RBFOX1: variants seen among roughly 807,000 people sequenced by gnomAD.
The protein encoded by RBFOX1 is RNA binding protein fox-1 homolog 1.
RBFOX1 carries 8 observed loss-of-function variants against 57.7 expected under a neutral mutation model. The ratio of observed to expected loss-of-function variants is 0.14; its 90% CI spans 0.08 to 0.25. The LOEUF (loss-of-function observed/expected upper bound fraction) is 0.25, where lower values mean the gene tolerates loss of function less well. RBFOX1 is among the 10% of genes least tolerant of loss of function. The pLI is 1.00. For synonymous variants in RBFOX1, 326 were observed against 222.4 expected, an observed-to-expected ratio of 1.47 and a Z score of -4.15; for missense variants, 611 against 548.5, an observed-to-expected ratio of 1.11 and a Z score of -1.14.
At chr16:6,527,995 C>A (rs2096604824) in intron 2 of RBFOX1, among the ~76,000 whole-genome samples, 1 of 152,134 alleles carries the variant, frequency 6.6e-6, no homozygotes, top group Admixed American at 6.6e-5. Flanking sequence ...CTCTCCTTAC[C>A]TGTGTGTTGA....
intron 1 of RBFOX1, among the ~76,000 whole-genome samples, chr16:6,290,253 C>A (rs11077023): frequency 0.98 from 136,808 of 139,422 alleles, 67,176 homozygotes; most frequent in East Asian, 1. Context: ...ATAACATGTG[C>A]ACTAAGAACG....
chr16:5,709,313 T>G (rs1468968013), intron 3 of RBFOX1, among the ~76,000 whole-genome samples: 2 of 152,206 alleles, frequency 1.3e-5, no homozygotes, highest in Non-Finnish European at 2.9e-5. Flanking sequence ...GTTCTGTTAT[T>G]TTGGGAAGAG....
At chr16:6,241,893 T>C (rs1396075869) in intron 1 of RBFOX1, among the ~76,000 whole-genome samples, 2 of 152,208 alleles carry the variant, frequency 1.3e-5, no homozygotes, top group African/African-American at 4.8e-5. Context: ...TGGACACTTT[T>C]AGGAATGGAA....
intron 3 of RBFOX1, among the ~76,000 whole-genome samples, chr16:5,860,791 C>G (rs927442899): frequency 1.3e-5 from 2 of 152,102 alleles, no homozygotes; most frequent in Non-Finnish European, 2.9e-5. Flanking sequence ...ATGAAAAAAG[C>G]CAAGCTCCAG....
At chr16:5,824,518 T>C (rs1229472908) in intron 3 of RBFOX1, among the ~76,000 whole-genome samples, 1 of 152,236 alleles carries the variant, frequency 6.6e-6, no homozygotes, top group Non-Finnish European at 1.5e-5. Flanking sequence ...AGGGTGACTT[T>C]AGGCTGGTCA....
chr16:6,234,877 A>T (rs80271148), intron 1 of RBFOX1, among the ~76,000 whole-genome samples: 1 of 152,278 alleles, frequency 6.6e-6, no homozygotes, highest in African/African-American at 2.4e-5. Flanking sequence ...TGTAGATTGC[A>T]CTAGTATCGG....
At chr16:6,473,900 G>A (rs2095231948) in intron 2 of RBFOX1, among the ~76,000 whole-genome samples, 1 of 152,152 alleles carries the variant, frequency 6.6e-6, no homozygotes, top group Admixed American at 6.5e-5. Context: ...AATTAGGAAA[G>A]CTGTCAGTTA....
chr16:7,630,777 C>A, intron 11 of RBFOX1, 94 bp downstream of exon 11: 1 of 1,547,574 alleles, frequency 6.5e-7, no homozygotes, highest in Non-Finnish European at 8.7e-7. Flanking sequence ...CTCCCTCTGC[C>A]CCACCCTCTC....
intron 4 of RBFOX1, among the ~76,000 whole-genome samples, chr16:5,899,312 A>G (rs1011762417): frequency 8.5e-5 from 13 of 152,154 alleles, no homozygotes; most frequent in Admixed American, 4.6e-4. Flanking sequence ...AAACATGATG[A>G]GATCTACAGA....
At chr16:6,519,389 C>G (rs2153798531) in intron 2 of RBFOX1, among the ~76,000 whole-genome samples, 1 of 152,180 alleles carries the variant, frequency 6.6e-6, no homozygotes, top group South Asian at 2.1e-4. Flanking sequence ...TGGGAAAACC[C>G]AGAGAATATT....
chr16:6,189,396 A>T (rs990663105), intron 1 of RBFOX1, among the ~76,000 whole-genome samples: 1 of 151,904 alleles, frequency 6.6e-6, no homozygotes, highest in Non-Finnish European at 1.5e-5. Context: ...CTCATCATAA[A>T]CTCCTCAGCT....
intron 4 of RBFOX1, among the ~76,000 whole-genome samples, chr16:7,136,263 A>T (rs1318233414): frequency 6.6e-6 from 1 of 152,166 alleles, no homozygotes; most frequent in Non-Finnish European, 1.5e-5. Context: ...AATGTAAATT[A>T]ATTAAAGTTT....
chr16:7,193,730 T>C (rs1174560287), intron 4 of RBFOX1, among the ~76,000 whole-genome samples: 1 of 152,216 alleles, frequency 6.6e-6, no homozygotes, highest in African/African-American at 2.4e-5. Context: ...ACAGAGCCCA[T>C]GCTCTGCACC....
chr16:7,331,060 T>C (rs2096685910), intron 4 of RBFOX1, among the ~76,000 whole-genome samples: 1 of 152,142 alleles, frequency 6.6e-6, no homozygotes, highest in African/African-American at 2.4e-5. Flanking sequence ...AGAGAAACCT[T>C]GTCAAGATGG....
At chr16:7,052,779 C>T (rs894183166) in intron 4 of RBFOX1, among the ~76,000 whole-genome samples, 1 of 152,102 alleles carries the variant, frequency 6.6e-6, no homozygotes, top group Non-Finnish European at 1.5e-5. Context: ...ATGGGGATGG[C>T]ATTTTAAGAA....
intron 4 of RBFOX1, among the ~76,000 whole-genome samples, chr16:5,887,233 C>T (rs2057920157): frequency 6.6e-6 from 1 of 152,140 alleles, no homozygotes; most frequent in African/African-American, 2.4e-5. Context: ...CAGGAATCCC[C>T]CATGCATGGC....
At chr16:5,334,456 C>G (rs889679376) in intron 1 of RBFOX1, among the ~76,000 whole-genome samples, 3 of 152,050 alleles carry the variant, frequency 2.0e-5, no homozygotes, top group African/African-American at 7.2e-5. Context: ...GGGGTTGTCT[C>G]AGGTCCATAT....
At chr16:5,972,846 G>C (rs1379194671) in intron 4 of RBFOX1, among the ~76,000 whole-genome samples, 2 of 152,166 alleles carry the variant, frequency 1.3e-5, no homozygotes, top group Non-Finnish European at 2.9e-5. Context: ...TAGCAGGGGA[G>C]GTAAATCTTG....
rs2058821599 is a variant in RBFOX1, at chr16:5,921,550, A to G, written c.351+54215A>G. On this transcript the variant is annotated intron_variant, in intron 4 of 19. Coordinates refer to the RBFOX1 transcript ENST00000641259. Reference sequence around the variant, plus strand: ...GGAGCCAGTCACTGATATTGATAAGACTATTGATAATAGCAACTATTTCTG... The same window carrying G: ...GGAGCCAGTCACTGATATTGATAAGGCTATTGATAATAGCAACTATTTCTG... 2.6e-5 allele frequency among the ~76,000 whole-genome samples: 4 copies of G among 152,326 alleles called. 1 individual carries two copies. The highest frequency in any genetic ancestry group is 2.0e-4 in the Admixed American group (3 of 15,288).
Sources: gnomAD v4.1 joint callset for allele counts (sites outside exome capture counted in the v4.1 genomes callset) on GRCh38, gnomAD v4.1.1 for gene constraint, MANE v1.5 for transcripts, NCBI Gene and HGNC (gene_info 2026-07-23, HGNC 2026-07-21) for gene names.